The following GRM5 variants were observed in gnomAD, a reference collection of about 807,000 sequenced individuals.
GRM5 encodes the protein glutamate metabotropic receptor 5.
GRM5 carries 19 observed loss-of-function variants against 83.1 expected under a neutral mutation model. The ratio of observed to expected loss-of-function variants is 0.23; its 90% confidence interval spans 0.16 to 0.34. The LOEUF (loss-of-function observed/expected upper bound fraction) is 0.34, where lower values mean the gene tolerates loss of function less well. Ranked by LOEUF, GRM5 falls within the 10% of genes least tolerant of loss-of-function variation. The pLI is 1.00. For missense variants in GRM5, 1,160 were observed against 1,588.3 expected (o/e 0.73, Z 4.58); for synonymous variants, 675 against 633.6 (o/e 1.07, Z -0.98).
At chr11:88,951,120 C>T (rs556374680) in intron 2 of GRM5, among the ~76,000 whole-genome samples, 1 of 152,036 alleles carries the variant, frequency 6.6e-6, no homozygotes, top group African/African-American at 2.4e-5. Context: ...AGAGTATATG[C>T]ATTAGTTTTT....
At chr11:88,979,446 C>A (rs1309084520) in intron 2 of GRM5, among the ~76,000 whole-genome samples, 1 of 152,134 alleles carries the variant, frequency 6.6e-6, no homozygotes, top group African/African-American at 2.4e-5. Flanking sequence ...TTCTGTGAGT[C>A]TGACATAAAT....
intron 2 of GRM5, among the ~76,000 whole-genome samples, chr11:88,870,465 C>A (rs1403436719): frequency 2.6e-5 from 4 of 151,054 alleles, no homozygotes; most frequent in Non-Finnish European, 4.4e-5. Context: ...TTTAATAGGT[C>A]ACAGACAACA....
chr11:88,777,848 A>G (rs1206809910), intron 3 of GRM5, among the ~76,000 whole-genome samples: 1 of 152,020 alleles, frequency 6.6e-6, no homozygotes, highest in Non-Finnish European at 1.5e-5. Flanking sequence ...AGGAGCAGCC[A>G]CCTATATGAG....
intron 2 of GRM5, among the ~76,000 whole-genome samples, chr11:88,968,618 G>A (rs1939068661): frequency 6.6e-6 from 1 of 152,124 alleles, no homozygotes. Flanking sequence ...TGGGGCTGCA[G>A]TGAACCATAA....
At chr11:89,053,227 G>A (rs1051103768) in intron 1 of GRM5, among the ~76,000 whole-genome samples, 1 of 151,988 alleles carries the variant, frequency 6.6e-6, no homozygotes, top group African/African-American at 2.4e-5. Context: ...TAGTACAAGT[G>A]TATTTACATT....
At chr11:88,631,230 A>G (rs572506404) in intron 4 of GRM5, among the ~76,000 whole-genome samples, 100 of 152,326 alleles carry the variant, frequency 6.6e-4, no homozygotes, top group African/African-American at 2.3e-3. Context: ...CTGTTATAAA[A>G]CAGGTATACC....
chr11:88,959,237 T>C (rs1271422496), intron 2 of GRM5, among the ~76,000 whole-genome samples: 9 of 152,048 alleles, frequency 5.9e-5, no homozygotes, highest in Non-Finnish European at 1.5e-5. Context: ...TAACTGAAAA[T>C]ACAAATGTTA....
chr11:88,956,761 G>A (rs1164335958), intron 2 of GRM5, among the ~76,000 whole-genome samples: 1 of 152,204 alleles, frequency 6.6e-6, no homozygotes, highest in Non-Finnish European at 1.5e-5. Context: ...AGCCGAGATT[G>A]CGCCACTGCA....
chr11:89,030,005 G>A (rs529689939), intron 2 of GRM5, among the ~76,000 whole-genome samples: 1 of 151,848 alleles, frequency 6.6e-6, no homozygotes, highest in Admixed American at 6.6e-5. Flanking sequence ...CCTTCTTTCT[G>A]GGAGACATTG....
chr11:89,033,626 G>A (rs1941315816), intron 2 of GRM5, among the ~76,000 whole-genome samples: 1 of 151,768 alleles, frequency 6.6e-6, no homozygotes, highest in Non-Finnish European at 1.5e-5. Context: ...TAAATTGTAT[G>A]CATTAATTTT....
At chr11:88,587,725 C>T (rs1943346661) in intron 7 of GRM5, among the ~76,000 whole-genome samples, 1 of 152,122 alleles carries the variant, frequency 6.6e-6, no homozygotes, top group African/African-American at 2.4e-5. Context: ...CTGTATATCT[C>T]TAAAAATGCA....
chr11:88,935,776 A>G (rs1485072909), intron 2 of GRM5, among the ~76,000 whole-genome samples: 1 of 151,950 alleles, frequency 6.6e-6, no homozygotes, highest in Admixed American at 6.6e-5. Context: ...CACACATTTT[A>G]GGTTGTTCAT....
chr11:89,012,119 TGAA>T (rs1362721618), intron 2 of GRM5, among the ~76,000 whole-genome samples: 3 of 150,962 alleles, frequency 2.0e-5, no homozygotes, highest in Non-Finnish European at 4.4e-5. Context: ...AGGGAGTGAG[TGAA>T]GAATGGAAGA....
intron 2 of GRM5, among the ~76,000 whole-genome samples, chr11:88,877,082 G>A (rs538614924): frequency 1.2e-3 from 190 of 152,162 alleles, no homozygotes; most frequent in Non-Finnish European, 2.0e-3. Context: ...AGGGAAGAGG[G>A]GAGGGGAGAA....
At chr11:88,524,464 C>A (rs988202757) in intron 9 of GRM5, among the ~76,000 whole-genome samples, 9 of 152,246 alleles carry the variant, frequency 5.9e-5, no homozygotes, top group Non-Finnish European at 1.3e-4. Context: ...CTGATCCACC[C>A]GCCTTGGCCT....
At chr11:88,941,803 G>A (rs563230337) in intron 2 of GRM5, among the ~76,000 whole-genome samples, 72 of 152,106 alleles carry the variant, frequency 4.7e-4, no homozygotes, top group African/African-American at 1.7e-3. Context: ...CTGATGCGAT[G>A]ATGTGGGAGA....
intron 3 of GRM5, among the ~76,000 whole-genome samples, chr11:88,781,412 C>T (rs1458425123): frequency 2.0e-5 from 3 of 152,088 alleles, no homozygotes; most frequent in East Asian, 3.9e-4. Flanking sequence ...TACAGGTACA[C>T]ATCTTTCATT....
At chr11:89,033,030 G>A (rs1941298016) in intron 2 of GRM5, among the ~76,000 whole-genome samples, 1 of 151,880 alleles carries the variant, frequency 6.6e-6, no homozygotes, top group Non-Finnish European at 1.5e-5. Context: ...TCAATATTTT[G>A]TAAGAAAACT....
At chr11:88,832,156 A>G (rs902949487) in intron 3 of GRM5, among the ~76,000 whole-genome samples, 2 of 151,980 alleles carry the variant, frequency 1.3e-5, no homozygotes, top group African/African-American at 4.9e-5. Context: ...ACTCAGAGCC[A>G]AAGTGCCCTA....
Sources: gnomAD v4.1 joint callset for allele counts (sites outside exome capture counted in the v4.1 genomes callset) on GRCh38, gnomAD v4.1.1 for gene constraint, MANE v1.5 for transcripts, NCBI Gene and HGNC (gene_info 2026-07-23, HGNC 2026-07-21) for gene names.